PARD3B: variants seen among roughly 807,000 people sequenced by gnomAD.
PARD3B encodes par-3 family cell polarity regulator beta.
PARD3B carries 103 observed loss-of-function variants against 130.2 expected under a neutral mutation model. The observed-to-expected ratio is 0.79, with a 90% CI of 0.67 to 0.93. The LOEUF is 0.93. Ranked by LOEUF, PARD3B falls within the 40% of genes least tolerant of loss-of-function variation. The pLI is 0.00. For missense variants in PARD3B, 1,609 were observed against 1,499.2 expected (o/e 1.07, Z -1.21); for synonymous variants, 583 against 553.2 (o/e 1.05, Z -0.76).
intron 18 of PARD3B, among the ~76,000 whole-genome samples, chr2:205,376,677 T>A (rs1374823855): frequency 6.6e-6 from 1 of 152,042 alleles, no homozygotes; most frequent in East Asian, 1.9e-4. Context: ...CAGCATAAAA[T>A]CCGGAATCAC....
At chr2:204,682,399 A>T (rs2125235901) in intron 1 of PARD3B, among the ~76,000 whole-genome samples, 1 of 152,320 alleles carries the variant, frequency 6.6e-6, no homozygotes, top group Non-Finnish European at 1.5e-5. Flanking sequence ...AGGCATTTTG[A>T]GGATAAATGA....
At chr2:205,101,388 T>C (rs941220527) in intron 4 of PARD3B, among the ~76,000 whole-genome samples, 1 of 152,180 alleles carries the variant, frequency 6.6e-6, no homozygotes, top group African/African-American at 2.4e-5. Context: ...TGAAAATAAG[T>C]TGTGGCAAGT....
intron 15 of PARD3B, among the ~76,000 whole-genome samples, chr2:205,203,034 C>CT (rs2037076525): frequency 6.6e-6 from 1 of 152,072 alleles, no homozygotes; most frequent in African/African-American, 2.4e-5. Context: ...TTTTCTCAAG[C>CT]TGGGGGCATG....
chr2:204,861,186 C>CTCTT (rs2045176850), intron 2 of PARD3B, among the ~76,000 whole-genome samples: 4 of 145,378 alleles, frequency 2.8e-5, no homozygotes, highest in Admixed American at 2.7e-4. Context: ...CTCTCTCTCT[C>CTCTT]TCTCTCTCTC....
At chr2:205,538,087 A>T (rs1233614240) in intron 21 of PARD3B, among the ~76,000 whole-genome samples, 1 of 152,214 alleles carries the variant, frequency 6.6e-6, no homozygotes, top group Non-Finnish European at 1.5e-5. Flanking sequence ...GATAAGAAGT[A>T]TTACAAAGAT....
chr2:205,588,257 C>T (rs1274930199), intron 22 of PARD3B, among the ~76,000 whole-genome samples: 1 of 152,068 alleles, frequency 6.6e-6, no homozygotes, highest in African/African-American at 2.4e-5. Context: ...TATTTTTCCT[C>T]ATAAAAAAGA....
At chr2:205,400,361 G>C (rs904592044) in intron 18 of PARD3B, among the ~76,000 whole-genome samples, 1 of 151,980 alleles carries the variant, frequency 6.6e-6, no homozygotes, top group Non-Finnish European at 1.5e-5. Context: ...TTTAAAGAAA[G>C]TCCTGGCAGT....
chr2:204,829,150 G>C (rs564308200), intron 2 of PARD3B, among the ~76,000 whole-genome samples: 9 of 152,314 alleles, frequency 5.9e-5, no homozygotes, highest in African/African-American at 2.2e-4. Flanking sequence ...ATATTGAGAA[G>C]TGAGCTATAT....
At chr2:204,825,674 G>A (rs1186497033) in intron 2 of PARD3B, among the ~76,000 whole-genome samples, 1 of 152,164 alleles carries the variant, frequency 6.6e-6, no homozygotes, top group African/African-American at 2.4e-5. Context: ...CACCAAGTTA[G>A]GTGAAATTCT....
At chr2:205,220,361 A>G (rs2038173839) in intron 15 of PARD3B, among the ~76,000 whole-genome samples, 1 of 152,116 alleles carries the variant, frequency 6.6e-6, no homozygotes, top group Non-Finnish European at 1.5e-5. Flanking sequence ...AGGGTTCCTC[A>G]TTTTAGGCTG....
intron 15 of PARD3B, among the ~76,000 whole-genome samples, chr2:205,217,728 A>G (rs2037990471): frequency 6.7e-6 from 1 of 150,178 alleles, no homozygotes; most frequent in African/African-American, 2.4e-5. Flanking sequence ...ACACACATAC[A>G]TATACACATA....
At chr2:205,382,319 A>T (rs1028152397) in intron 18 of PARD3B, among the ~76,000 whole-genome samples, 1 of 152,106 alleles carries the variant, frequency 6.6e-6, no homozygotes, top group South Asian at 2.1e-4. Flanking sequence ...GGTTTTTCTT[A>T]CCATGATTAG....
intron 18 of PARD3B, among the ~76,000 whole-genome samples, chr2:205,308,307 A>G (rs1249569331): frequency 6.6e-6 from 1 of 152,106 alleles, no homozygotes; most frequent in Non-Finnish European, 1.5e-5. Context: ...TTGTGGTGAG[A>G]TTAAAACAAA....
At chr2:204,632,936 C>A (rs2034739244) in intron 1 of PARD3B, among the ~76,000 whole-genome samples, 1 of 152,220 alleles carries the variant, frequency 6.6e-6, no homozygotes, top group African/African-American at 2.4e-5. Context: ...TGCTTCTAAT[C>A]TGCCATCTTG....
rs2041952690 is a variant in PARD3B, at chr2:205,300,451, A to G, written c.2186-79A>G. 5.2e-6 allele frequency: 7 copies of G among 1,347,736 alleles called. No individual in the cohort carries two copies. The highest frequency in any genetic ancestry group is 6.3e-6 in the Non-Finnish European group (6 of 953,328). The allele number at this position is 1,347,736 out of a possible 1,614,324, so 83.5% of individuals were successfully genotyped here. A position where few individuals can be genotyped will look rare whatever the true frequency, so the allele number is the denominator to read the frequency against. ...CACCCCTTTTTTGGGATGTCCAGAC[A>G]GAAATATTCTTAGAACAATAGCATT... On this transcript the variant is annotated intron_variant, in intron 16 of 22. Coordinates refer to ENST00000406610, the MANE Select transcript of PARD3B (RefSeq NM_001302769.2). This position sits in a 1 kb window ranked among gnomAD's most constrained non-coding sequence, Gnocchi z 4.1.
At chr2:205,482,321 A>G (rs568738924) in intron 20 of PARD3B, among the ~76,000 whole-genome samples, 1 of 152,332 alleles carries the variant, frequency 6.6e-6, no homozygotes, top group African/African-American at 2.4e-5. Context: ...GCTCTGCCAT[A>G]TCTAGTCCAG....
At chr2:204,780,102 C>A (rs1313830039) in intron 2 of PARD3B, among the ~76,000 whole-genome samples, 1 of 152,150 alleles carries the variant, frequency 6.6e-6, no homozygotes, top group Non-Finnish European at 1.5e-5. Context: ...ATTTGCAAAC[C>A]TGCATTTTAA....
chr2:205,566,181 G>A (rs994750959), intron 22 of PARD3B, among the ~76,000 whole-genome samples: 1 of 152,196 alleles, frequency 6.6e-6, no homozygotes, highest in Admixed American at 6.5e-5. Flanking sequence ...GTGGTCAAGT[G>A]AAGGACATCT....
chr2:205,516,138 T>G (rs1014206361), intron 21 of PARD3B, among the ~76,000 whole-genome samples: 1 of 152,216 alleles, frequency 6.6e-6, no homozygotes, highest in African/African-American at 2.4e-5. Flanking sequence ...CTCTCTCTTC[T>G]GTTCCATTGG....
Sources: gnomAD v4.1 joint callset for allele counts (sites outside exome capture counted in the v4.1 genomes callset) on GRCh38, gnomAD v4.1.1 for gene constraint, Gnocchi (gnomAD v3.1) non-coding constraint, MANE v1.5 for transcripts, NCBI Gene and HGNC (gene_info 2026-07-23, HGNC 2026-07-21) for gene names.